The following SEC61A1 variants were observed in gnomAD, a reference collection of about 807,000 sequenced individuals.
SEC61A1 encodes the protein SEC61 translocon subunit alpha 1.
SEC61A1 carries 15 observed loss-of-function variants against 55.2 expected under a neutral mutation model. The observed-to-expected ratio is 0.27, with a 90% confidence interval of 0.18 to 0.42. The LOEUF is 0.42. SEC61A1 is among the 10% of genes least tolerant of loss of function. The pLI is 1.00. For synonymous variants in SEC61A1, 247 were observed against 234.0 expected (o/e 1.06, Z -0.51); for missense variants, 284 against 602.6 (o/e 0.47, Z 5.53).
chr3:128,052,741 C>A, intron 1 of SEC61A1, 94 bp from the exon 2 acceptor site: 1 of 1,494,180 alleles, frequency 6.7e-7, no homozygotes, highest in Non-Finnish European at 9.3e-7. Context: ...CTGGCCCCTG[C>A]TCTCACTCGT....
chr3:128,059,471 A>T (rs1225667940), intron 5 of SEC61A1, among the ~76,000 whole-genome samples: 1 of 151,400 alleles, frequency 6.6e-6, no homozygotes, highest in African/African-American at 2.4e-5. Flanking sequence ...TCCGTCTCAA[A>T]AAAAAAAAAA....
chr3:128,065,210 A>G, intron 8 of SEC61A1, 173 bp downstream of exon 8: 1 of 764,004 alleles, frequency 1.3e-6, no homozygotes, highest in Non-Finnish European at 2.3e-6. Flanking sequence ...ATGTTCATTG[A>G]GTCATGGGAC....
chr3:128,055,610 G>A (rs1331670858), intron 3 of SEC61A1, 29 bp downstream of exon 3: 9 of 1,610,102 alleles, frequency 5.6e-6, no homozygotes, highest in Non-Finnish European at 7.7e-6. Context: ...TTCGTATTGG[G>A]GAGGGGGATA....
rs1941834596 is a variant in SEC61A1, at chr3:128,060,387, G to A, written c.463-121G>A. 17 of 1,187,442 alleles carry A rather than the reference G, an allele frequency of 1.4e-5. No individual in the cohort carries two copies. The South Asian group carries it at 1.7e-4, about 12-fold the overall frequency. 73.6% of individuals were successfully genotyped at this position (1,187,442 alleles called of 1,614,324 possible). On this transcript the variant is annotated intron_variant, in intron 6 of 11. Transcript: ENST00000243253. ...AAAGGCTTTACTGACCGCTCTCTGG[G>A]GCTGAGGATGTGATCTCATTCCGTC... is the stretch of plus-strand genomic sequence containing the variant.
At chr3:128,054,838 G>A (rs1304869062) in intron 2 of SEC61A1, among the ~76,000 whole-genome samples, 1 of 152,136 alleles carries the variant, frequency 6.6e-6, no homozygotes, top group Non-Finnish European at 1.5e-5. Flanking sequence ...AGAGGTTTTG[G>A]GTGGGAGGTT....
upstream of SEC61A1, chr3:128,052,004 C>T: frequency 2.2e-6 from 2 of 929,626 alleles, no homozygotes; most frequent in Admixed American, 4.0e-5. Flanking sequence ...AAGGTCCCTG[C>T]TCCAGGGAGC....
intron 8 of SEC61A1, chr3:128,065,325 C>T (rs1180799163): frequency 1.7e-6 from 1 of 588,204 alleles, no homozygotes; most frequent in African/African-American, 1.9e-5. Context: ...GTTCTTAGTT[C>T]AAGAGAAGCA....
intron 2 of SEC61A1, among the ~76,000 whole-genome samples, chr3:128,055,221 G>A (rs1941754687): frequency 6.6e-6 from 1 of 152,136 alleles, no homozygotes; most frequent in African/African-American, 2.4e-5. Flanking sequence ...TTTAGCATTG[G>A]GGTTTGGTAC....
At chr3:128,068,782 G>A (rs558033367) in intron 11 of SEC61A1, 2 of 152,646 alleles carry the variant, frequency 1.3e-5, no homozygotes, top group African/African-American at 2.4e-5. Flanking sequence ...ACAGTCCTCA[G>A]TACAACTACT....
Position 128,068,035 on chromosome 3 carries a change from C to A in SEC61A1, c.1220C>A (p.Thr407Asn). 1 of 1,613,952 alleles carries A rather than the reference C, an allele frequency of 6.2e-7. No individual in the cohort carries two copies. ...ATGGTGATGAGAGGCCACCGAGAGA[C>A]CTCCATGGTCCATGAACTCAACCGG... ...QQMVMRGHRE[T>N]SMVHELNRYI... The change falls in exon 11 of 12, where the codon ACC (threonine) becomes AAC (asparagine). Residue 407 changes from threonine to asparagine, a missense_variant. Coordinates refer to ENST00000243253, the MANE Select transcript of SEC61A1 (RefSeq NM_013336.4).
chr3:128,053,083 A>T (rs943701836), intron 2 of SEC61A1, among the ~76,000 whole-genome samples, 181 bp downstream of exon 2: 1 of 152,092 alleles, frequency 6.6e-6, no homozygotes, highest in Non-Finnish European at 1.5e-5. Flanking sequence ...TTGTGTGGAA[A>T]TTTCCACTGA....
In SEC61A1 at chr3:128,055,527, G is replaced by A. The variant is rs1431532011; in HGVS notation, c.87G>A (p.Lys29=). 7 of 1,612,538 alleles carry A rather than the reference G, an allele frequency of 4.3e-6. No individual in the cohort carries two copies. Among genetic ancestry groups the A allele is most frequent in the Non-Finnish European group, 5.9e-6 (7 of 1,178,634 alleles). Residue 29 remains lysine, a synonymous_variant, in exon 3 of 12, where the codon AAG becomes AAA. Coordinates refer to ENST00000243253, the MANE Select transcript of SEC61A1 (RefSeq NM_013336.4). ...CTCTCCTACTCTAGATTCAGTTTAA[G>A]GAGAAAGTGCTGTGGACCGCTATCA... ...IQKPERKIQF[K]EKVLWTAITL...
At position 128,071,582 on chromosome 3, in the gene SEC61A1, G is replaced by A. The variant is rs1227040155; in HGVS notation, c.*1920G>A. 2 of 152,710 alleles carry A rather than the reference G, an allele frequency of 1.3e-5. No individual in the cohort carries two copies. Among genetic ancestry groups the A allele is most frequent in the Admixed American group, 1.3e-4 (2 of 15,290 alleles). 9.5% of individuals were successfully genotyped at this position (152,710 alleles called of 1,614,324 possible). A position where few individuals can be genotyped will look rare whatever the true frequency, so the allele number is the denominator to read the frequency against. On this transcript the variant is annotated 3_prime_UTR_variant, in exon 12 of 12. Coordinates refer to ENST00000243253, the MANE Select transcript of SEC61A1 (RefSeq NM_013336.4). Reference sequence around the variant, plus strand: ...GGTGATGGTCACGGTGGGTGGGTGGGGGCTGACCCCAGCTTCCAGGGGACT... The same window carrying A: ...GGTGATGGTCACGGTGGGTGGGTGGAGGCTGACCCCAGCTTCCAGGGGACT...
At chr3:128,056,119 T>TA (rs1941766468) in intron 4 of SEC61A1, among the ~76,000 whole-genome samples, 2 of 152,256 alleles carry the variant, frequency 1.3e-5, no homozygotes. Flanking sequence ...TTTTCATATC[T>TA]ATAGGTTACA....
chr3:128,068,332 A>G (rs1044022269), intron 11 of SEC61A1, among the ~76,000 whole-genome samples: 7 of 152,224 alleles, frequency 4.6e-5, no homozygotes, highest in Admixed American at 2.6e-4. Context: ...CAGTGCAGTA[A>G]GGGTCCTGAG....
rs1377220391 is a variant in SEC61A1, at chr3:128,069,776, C to T, written c.*114C>T. 9 of 949,034 alleles carry T rather than the reference C, an allele frequency of 9.5e-6. No individual in the cohort carries two copies. Among genetic ancestry groups the T allele is most frequent in the Admixed American group, 7.3e-5 (3 of 41,030 alleles). The allele number at this position is 949,034 out of a possible 1,614,324, so 58.8% of individuals were successfully genotyped here. Reference sequence around the variant, plus strand: ...GACTTTTAATAATGTTTTTGAATTTCGTATTCTTTCATTCCACTGTGTAAA... The same window carrying T: ...GACTTTTAATAATGTTTTTGAATTTTGTATTCTTTCATTCCACTGTGTAAA... On this transcript the variant is annotated 3_prime_UTR_variant, in exon 12 of 12. Transcript: ENST00000243253.
At chr3:128,068,719 G>A in intron 11 of SEC61A1, 1 of 153,066 alleles carries the variant, frequency 6.5e-6, no homozygotes, top group African/African-American at 2.4e-5. Context: ...GTTAGGTAAG[G>A]AAGGGCAAAG....
intron 11 of SEC61A1, chr3:128,068,566 G>C (rs1942055006): frequency 6.3e-6 from 1 of 158,138 alleles, no homozygotes; most frequent in Non-Finnish European, 1.4e-5. Flanking sequence ...GATGGAGCCT[G>C]CAGTCTCTTA....
At position 128,052,464 on chromosome 3, in the gene SEC61A1, C is replaced by A; in HGVS notation, c.-89C>A. The stretch of plus-strand genomic sequence containing the variant: ...CGTGTCTCTCGGCGGAGCTGCTGTG[C>A]AGTGGAACGCGCTGGGCCGCGGGCA... On this transcript the variant is annotated 5_prime_UTR_variant, in exon 1 of 12. Coordinates refer to ENST00000243253, the MANE Select transcript of SEC61A1 (RefSeq NM_013336.4). The A allele has an allele frequency of 6.5e-7, 1 of 1,527,458 alleles. No homozygotes were observed. The highest frequency in any genetic ancestry group is 8.8e-7 in the Non-Finnish European group (1 of 1,137,696). The allele number at this position is 1,527,458 out of a possible 1,614,324, so 94.6% of individuals were successfully genotyped here.
Sources: allele counts gnomAD v4.1 joint callset (sites outside exome capture counted in the v4.1 genomes callset), GRCh38; gene constraint gnomAD v4.1.1; transcripts MANE v1.5; gene names NCBI Gene and HGNC (gene_info 2026-07-23, HGNC 2026-07-21).